The following SHANK2 variants were observed in gnomAD, a reference collection of about 807,000 sequenced individuals.
SHANK2 encodes SH3 and multiple ankyrin repeat domains 2, also known as SH3 and multiple ankyrin repeat domains protein 2.
A neutral mutation model predicts 133.7 loss-of-function variants in SHANK2; 43 were observed. That is an observed-to-expected ratio of 0.32 (90% CI 0.25 to 0.41). The LOEUF (loss-of-function observed/expected upper bound fraction) is 0.41. Ranked by LOEUF, SHANK2 falls within the 10% of genes least tolerant of loss-of-function variation. The pLI is 1.00. For synonymous variants in SHANK2, 1,017 were observed against 952.8 expected (o/e 1.07, Z -1.24); for missense variants, 1,994 against 2,235.8 (o/e 0.89, Z 2.18).
At chr11:70,528,188 A>G (rs946787553) in intron 17 of SHANK2, among the ~76,000 whole-genome samples, 1 of 152,214 alleles carries the variant, frequency 6.6e-6, no homozygotes, top group Non-Finnish European at 1.5e-5. Flanking sequence ...GCAGGCCGAG[A>G]GGCCGAGACC....
intron 2 of SHANK2, among the ~76,000 whole-genome samples, chr11:71,152,562 G>A (rs1480017357): frequency 6.6e-6 from 1 of 152,178 alleles, no homozygotes; most frequent in Non-Finnish European, 1.5e-5. Context: ...TGCTGCCGGC[G>A]GACATCTTCA....
chr11:70,613,095 C>T (rs1198756975), intron 17 of SHANK2, among the ~76,000 whole-genome samples: 2 of 152,198 alleles, frequency 1.3e-5, no homozygotes, highest in Non-Finnish European at 2.9e-5. Context: ...GGGGTGTGTG[C>T]CATGGAGTCA....
chr11:71,249,707 C>T (rs530541317), intron 1 of SHANK2, among the ~76,000 whole-genome samples: 7 of 152,234 alleles, frequency 4.6e-5, no homozygotes, highest in African/African-American at 1.7e-4. Context: ...AGAACTCTCT[C>T]GTCTGCAACT....
intron 15 of SHANK2, among the ~76,000 whole-genome samples, chr11:70,671,774 G>GC (rs1383786600): frequency 6.6e-6 from 1 of 152,106 alleles, no homozygotes; most frequent in Non-Finnish European, 1.5e-5. Flanking sequence ...AGGGCAGGGG[G>GC]CCCCCAAGCA....
chr11:71,069,535 C>T (rs1951116122), intron 9 of SHANK2, among the ~76,000 whole-genome samples: 2 of 152,354 alleles, frequency 1.3e-5, no homozygotes, highest in Non-Finnish European at 2.9e-5. Flanking sequence ...GCTATCATTA[C>T]AGCCACTATT....
intron 14 of SHANK2, among the ~76,000 whole-genome samples, chr11:70,707,310 T>C (rs1276342328): frequency 7.1e-6 from 1 of 141,828 alleles, no homozygotes; most frequent in Non-Finnish European, 1.5e-5. Flanking sequence ...AGGTGGAGGT[T>C]GCAGTGAGCC....
intron 14 of SHANK2, among the ~76,000 whole-genome samples, chr11:70,770,477 C>T (rs1947224566): frequency 1.3e-5 from 2 of 152,222 alleles, no homozygotes; most frequent in Admixed American, 1.3e-4. Flanking sequence ...CTGAAAATGC[C>T]CACCTGGACA....
intron 11 of SHANK2, among the ~76,000 whole-genome samples, chr11:70,855,536 C>T (rs1430539465): frequency 2.0e-5 from 3 of 152,238 alleles, no homozygotes; most frequent in Admixed American, 2.0e-4. Context: ...AGGGCATCTG[C>T]TTTAAAAATC....
intron 12 of SHANK2, among the ~76,000 whole-genome samples, chr11:70,810,857 C>T (rs1202654219): frequency 2.0e-5 from 3 of 152,308 alleles, no homozygotes; most frequent in African/African-American, 2.4e-5. Flanking sequence ...CAGGCTGGAC[C>T]GGCAGCAGCC....
chr11:70,858,907 A>G lies in SHANK2; in HGVS notation c.1174+37594T>C, dbSNP rs565183697. Among the ~76,000 whole-genome samples, 28 of 152,322 alleles carry G rather than the reference A, an allele frequency of 1.8e-4. 1 individual carries two copies. The highest frequency in any genetic ancestry group is 6.3e-4 in the African/African-American group (26 of 41,566). On this transcript the variant is annotated intron_variant, in intron 11 of 25. Coordinates refer to ENST00000601538, the MANE Select transcript of SHANK2 (RefSeq NM_012309.5). ...GAATGTGCTGTCCACACACCTGTAC[A>G]TGCTCGTCCCTCCCAAAGGCATTCC... is the stretch of plus-strand genomic sequence containing the variant.
At chr11:70,716,653 G>A (rs1555027338) in intron 14 of SHANK2, among the ~76,000 whole-genome samples, 1 of 152,094 alleles carries the variant, frequency 6.6e-6, no homozygotes, top group African/African-American at 2.4e-5. Flanking sequence ...GCAAGCCAGG[G>A]CCAGATGCTC....
rs1555008480 is a variant in SHANK2 at position 70,646,842 on chromosome 11, TTTA to T, written c.2061+12983_2061+12985del. 6.3e-3 allele frequency among the ~76,000 whole-genome samples: 921 copies of T among 145,994 alleles called. 8 individuals are homozygous for T. The highest frequency in any genetic ancestry group is 0.023 in the African/African-American group (882 of 38,012). ...AACTTTTATTTATTTTATTTATTTATTTATTTATTTATTTATTTATTTATTTAT... is the reference window on the plus strand; with the variant it reads ...AACTTTTATTTATTTTATTTATTTATTTTATTTATTTATTTATTTATTTAT... On this transcript the variant is annotated intron_variant, in intron 17 of 25. Transcript: ENST00000601538.
chr11:70,833,625 T>C (rs956001399), intron 11 of SHANK2, among the ~76,000 whole-genome samples: 1 of 152,262 alleles, frequency 6.6e-6, no homozygotes, highest in Non-Finnish European at 1.5e-5. Flanking sequence ...ACAGTGATGA[T>C]GGTCACTTCA....
At chr11:70,606,508 CAAAAAAAAAAAAAAA>C (rs60348645) in intron 17 of SHANK2, among the ~76,000 whole-genome samples, 1 of 55,070 alleles carries the variant, frequency 1.8e-5, no homozygotes, top group African/African-American at 7.5e-5. Context: ...AACCTTGACT[CAAAAAAAAAAAAAAA>C]AAAAAAAAAA....
At chr11:71,170,887 C>T (rs944141999) in intron 2 of SHANK2, among the ~76,000 whole-genome samples, 5 of 152,216 alleles carry the variant, frequency 3.3e-5, no homozygotes, top group Admixed American at 1.3e-4. Flanking sequence ...TTCCTGATGT[C>T]GCTGGCAGGG....
Position 70,572,634 on chromosome 11 carries a change from G to T in SHANK2, c.2062-69703C>A, listed in dbSNP as rs1173972427. Reference sequence around the variant, plus strand: ...CTTCCGGCTTCACAGAAGACACAGGGATGGTTGGCAAGAATAAGAAAAGAG... The same window carrying T: ...CTTCCGGCTTCACAGAAGACACAGGTATGGTTGGCAAGAATAAGAAAAGAG... On this transcript the variant is annotated intron_variant, in intron 17 of 25. Transcript: ENST00000601538. 3.9e-5 allele frequency among the ~76,000 whole-genome samples: 6 copies of T among 152,310 alleles called. No individual in the cohort carries two copies. The East Asian group carries it at 1.2e-3, about 29-fold the overall frequency.
At chr11:70,824,726 G>C (rs1948611371) in intron 11 of SHANK2, among the ~76,000 whole-genome samples, 1 of 152,172 alleles carries the variant, frequency 6.6e-6, no homozygotes, top group Non-Finnish European at 1.5e-5. Context: ...GTAGATCACT[G>C]AGTGTTTGCA....
chr11:70,933,493 T>G (rs7109084), intron 10 of SHANK2, among the ~76,000 whole-genome samples: 52,202 of 152,148 alleles, frequency 0.34, 12,351 homozygotes, highest in African/African-American at 0.68. Flanking sequence ...TGCTGAGAAA[T>G]GATCAAAATT....
At chr11:70,790,952 G>A (rs771672133) in intron 14 of SHANK2, among the ~76,000 whole-genome samples, 11 of 152,164 alleles carry the variant, frequency 7.2e-5, no homozygotes, top group Non-Finnish European at 1.3e-4. Flanking sequence ...GGTCCTCGAG[G>A]ATGACCAGGC....
Sources: allele counts gnomAD v4.1 joint callset (sites outside exome capture counted in the v4.1 genomes callset), GRCh38; gene constraint gnomAD v4.1.1; transcripts MANE v1.5; gene names NCBI Gene and HGNC (gene_info 2026-07-23, HGNC 2026-07-21).